Variants in MALRD1 observed in about 807,000 individuals in gnomAD.
MALRD1 encodes MAM and LDL receptor class A domain containing 1.
MALRD1 carries 247 observed loss-of-function variants against 242.1 expected under a neutral mutation model. The ratio of observed to expected loss-of-function variants is 1.02; its 90% CI spans 0.92 to 1.13. The LOEUF is 1.13. Among genes scored for constraint, MALRD1 ranks in the 50% most tolerant of loss-of-function variants. The probability of loss-of-function intolerance (pLI) is 0.00; values close to 1 mark genes in which losing one functional copy is unlikely to be tolerated. For synonymous variants in MALRD1, 995 were observed against 866.6 expected (o/e 1.15, Z -2.60); for missense variants, 2,989 against 2,533.1 (o/e 1.18, Z -3.86).
At chr10:19,270,826 A>G (rs1840195249) in intron 19 of MALRD1, among the ~76,000 whole-genome samples, 1 of 151,520 alleles carries the variant, frequency 6.6e-6, no homozygotes, top group Admixed American at 6.6e-5. Context: ...ACACACACAC[A>G]CACACACACA....
At position 19,203,616 on chromosome 10, in the gene MALRD1, C is replaced by G. The variant is rs1836650162; in HGVS notation, c.1952-112C>G. On this transcript the variant is annotated intron_variant, in intron 14 of 39. Coordinates refer to ENST00000454679, the MANE Select transcript of MALRD1 (RefSeq NM_001142308.3). ...TTTTCTGAAATGTGTCCCTCATTGC[C>G]CTTCATGTGCATACAGAAGCATAAT... 2.9e-6 allele frequency: 3 copies of G among 1,031,734 alleles called. No homozygotes were observed. The African/African-American group carries it at 4.8e-5, about 17-fold the overall frequency. The allele number at this position is 1,031,734 out of a possible 1,614,324, so 63.9% of individuals were successfully genotyped here.
At chr10:19,482,095 A>T (rs1210811777) in intron 29 of MALRD1, among the ~76,000 whole-genome samples, 6 of 151,914 alleles carry the variant, frequency 3.9e-5, no homozygotes, top group South Asian at 4.1e-4. Flanking sequence ...GATTATTCTT[A>T]TTATTCTCGT....
intron 18 of MALRD1, among the ~76,000 whole-genome samples, chr10:19,231,585 T>G (rs1300488588): frequency 6.6e-6 from 1 of 151,590 alleles, no homozygotes; most frequent in Non-Finnish European, 1.5e-5. Flanking sequence ...TCTCATGAGA[T>G]CTGATGGTTT....
intron 28 of MALRD1, among the ~76,000 whole-genome samples, chr10:19,447,400 A>C (rs140596749): frequency 6.6e-6 from 1 of 152,340 alleles, no homozygotes; most frequent in East Asian, 1.9e-4. Context: ...CTTATAGTAC[A>C]TCACCATTAG....
chr10:19,149,664 A>C (rs1003892806), intron 11 of MALRD1, among the ~76,000 whole-genome samples: 1 of 152,122 alleles, frequency 6.6e-6, no homozygotes, highest in Non-Finnish European at 1.5e-5. Context: ...ATCAAATACT[A>C]TCTATTTTTT....
chr10:19,217,825 A>G (rs193287235), intron 18 of MALRD1, among the ~76,000 whole-genome samples: 205 of 152,156 alleles, frequency 1.3e-3, no homozygotes, highest in Admixed American at 5.2e-4. Flanking sequence ...CTCCCAATCA[A>G]TCATGCGGTC....
At chr10:19,563,362 A>C (rs966393172) in intron 32 of MALRD1, among the ~76,000 whole-genome samples, 2 of 152,096 alleles carry the variant, frequency 1.3e-5, no homozygotes, top group Admixed American at 1.3e-4. Flanking sequence ...TTCTTCTTAT[A>C]TATGATTTGA....
At chr10:19,264,870 T>C (rs952155738) in intron 19 of MALRD1, among the ~76,000 whole-genome samples, 19 of 152,220 alleles carry the variant, frequency 1.2e-4, no homozygotes, top group Admixed American at 4.6e-4. Context: ...AGTGAATCCA[T>C]AAGGCCCTGG....
chr10:19,328,923 A>T (rs1248554187), intron 23 of MALRD1, among the ~76,000 whole-genome samples: 1 of 152,156 alleles, frequency 6.6e-6, no homozygotes, highest in East Asian at 1.9e-4. Context: ...CATGTAGAAG[A>T]TTCTACTCTG....
At chr10:19,541,507 C>T (rs7078866) in intron 32 of MALRD1, among the ~76,000 whole-genome samples, 96,042 of 152,136 alleles carry the variant, frequency 0.63, 33,837 homozygotes, top group Non-Finnish European at 0.77. Context: ...CAATATGACA[C>T]GAGTAATGTG....
chr10:19,127,889 T>A (rs562045481), intron 7 of MALRD1, among the ~76,000 whole-genome samples: 21 of 152,118 alleles, frequency 1.4e-4, no homozygotes, highest in Non-Finnish European at 3.1e-4. Flanking sequence ...AAGGATTGAA[T>A]TGTGATATTT....
intron 34 of MALRD1, among the ~76,000 whole-genome samples, chr10:19,605,225 G>A (rs1474746842): frequency 6.6e-6 from 1 of 150,842 alleles, no homozygotes; most frequent in African/African-American, 2.4e-5. Context: ...CACGATCTTG[G>A]CTCACTGTAA....
At chr10:19,683,913 T>C (rs1428138008) in intron 36 of MALRD1, among the ~76,000 whole-genome samples, 1 of 152,198 alleles carries the variant, frequency 6.6e-6, no homozygotes. Flanking sequence ...TTTGTCCTAA[T>C]GCTCTCCCTC....
intron 31 of MALRD1, 26 bp from the exon 32 acceptor site, chr10:19,531,168 A>C (rs1390390990): frequency 6.5e-7 from 1 of 1,531,782 alleles, no homozygotes; most frequent in East Asian, 2.5e-5. Context: ...ATTACACTGA[A>C]AAAAATTTTG....
At chr10:19,426,121 A>G (rs1177888761) in intron 28 of MALRD1, among the ~76,000 whole-genome samples, 1 of 152,144 alleles carries the variant, frequency 6.6e-6, no homozygotes, top group East Asian at 1.9e-4. Flanking sequence ...CAAAATGTTA[A>G]TGTCTTCCAT....
chr10:19,187,861 C>G (rs890876010), intron 14 of MALRD1, among the ~76,000 whole-genome samples: 6 of 152,172 alleles, frequency 3.9e-5, no homozygotes, highest in Non-Finnish European at 8.8e-5. Context: ...ACTGTGCTCA[C>G]TACCTGGGTT....
At chr10:19,465,081 TGA>T (rs1385566104) in intron 29 of MALRD1, among the ~76,000 whole-genome samples, 1 of 152,114 alleles carries the variant, frequency 6.6e-6, no homozygotes, top group Non-Finnish European at 1.5e-5. Context: ...GAAACTTTGC[TGA>T]ATTTATCAGT....
intron 30 of MALRD1, 90 bp downstream of exon 30, chr10:19,491,735 G>T: frequency 1.4e-6 from 2 of 1,391,012 alleles, no homozygotes; most frequent in Non-Finnish European, 1.9e-6. Flanking sequence ...TGATGGAGAA[G>T]AAATATTATT....
chr10:19,145,601 C>T (rs78747202), intron 10 of MALRD1, among the ~76,000 whole-genome samples: 2,427 of 150,170 alleles, frequency 0.016, 70 homozygotes, highest in African/African-American at 0.056. Context: ...AGACATTGAA[C>T]TGAGACTGCG....
Sources: gnomAD v4.1 joint callset for allele counts (sites outside exome capture counted in the v4.1 genomes callset) on GRCh38, gnomAD v4.1.1 for gene constraint, MANE v1.5 for transcripts, NCBI Gene and HGNC (gene_info 2026-07-23, HGNC 2026-07-21) for gene names.